The following GLI1 variants were observed in gnomAD, a reference collection of about 807,000 sequenced individuals.
GLI1 encodes GLI family zinc finger 1, also known as transcription activator GLI1.
GLI1 carries 51 observed loss-of-function variants against 87.8 expected under a neutral mutation model. That is an observed-to-expected ratio of 0.58 (90% CI 0.46 to 0.73). GLI1 has a LOEUF of 0.73. Among genes scored for constraint, GLI1 ranks in the 30% least tolerant of loss-of-function variants. The pLI is 0.00. For synonymous variants in GLI1, 528 were observed against 558.2 expected (o/e 0.95, Z 0.76); for missense variants, 1,292 against 1,437.2 (o/e 0.90, Z 1.63).
chr12:57,469,322 C>T, intron 10 of GLI1, 109 bp from the exon 11 acceptor site: 2 of 1,122,496 alleles, frequency 1.8e-6, no homozygotes, highest in South Asian at 1.5e-5. Context: ...TCTACACTTA[C>T]AAGCTTCCTT....
chr12:57,465,282 T>A (rs1455038129), intron 5 of GLI1, 27 bp downstream of exon 5: 10 of 1,586,534 alleles, frequency 6.3e-6, no homozygotes, highest in Non-Finnish European at 8.6e-6. Context: ...TGCTACCTGA[T>A]TTCCCTCAGC....
In GLI1 at chr12:57,466,369, G is replaced by A. The variant is rs374948623; in HGVS notation, c.892G>A (p.Glu298Lys). The change falls in exon 8 of 12, where the codon GAG becomes AAG. Residue 298 changes from glutamate (E) to lysine (K), a missense_variant. Glu to Lys is a moderately conservative substitution (Grantham distance 56). Coordinates refer to ENST00000228682, the MANE Select transcript of GLI1 (RefSeq NM_005269.3). The part of the protein sequence containing the change: ...LVVHMRRHTG[E>K]KPHKCTFEGC... The stretch of plus-strand genomic sequence containing the variant: ...GGTTCACATGCGCAGACACACTGGC[G>A]AGAAGCCACACAAGTGCACGGTGAG... 6.2e-7 allele frequency: 1 copy of A among 1,613,362 alleles called. No individual in the cohort carries two copies. Among genetic ancestry groups the A allele is most frequent in the African/African-American group, 1.3e-5 (1 of 74,888 alleles).
In GLI1 at chr12:57,466,294, G is replaced by C. The variant is rs770240474; in HGVS notation, c.817G>C (p.Gly273Arg). The C allele has an allele frequency of 1.9e-6, 3 of 1,613,894 alleles. No individual in the cohort carries two copies. Among genetic ancestry groups the C allele is most frequent in the African/African-American group, 1.3e-5 (1 of 74,910 alleles). Reference sequence around the variant, plus strand: ...GCGGAAGGAGTTCGTGTGCCACTGGGGGGGCTGCTCCAGGGAGCTGAGGCC... The same window carrying C: ...GCGGAAGGAGTTCGTGTGCCACTGGCGGGGCTGCTCCAGGGAGCTGAGGCC... ...GERKEFVCHW[G>R]GCSRELRPFK... The change falls in exon 8 of 12, where the codon GGG becomes CGG. Residue 273 changes from glycine (G) to arginine (R), a missense_variant. By Grantham distance (125) the Gly-to-Arg change is moderately radical (BLOSUM62 -2). Transcript: ENST00000228682.
chr12:57,467,285 C>T, intron 8 of GLI1, 48 bp from the exon 9 acceptor site: 1 of 1,495,642 alleles, frequency 6.7e-7, no homozygotes, highest in South Asian at 1.2e-5. Flanking sequence ...CTTCCATCTC[C>T]ATGTCCTCTG....
Position 57,471,412 on chromosome 12 carries a change from G to C in GLI1, c.2672G>C (p.Gly891Ala), listed in dbSNP as rs768365951. 6.2e-7 allele frequency: 1 copy of C among 1,613,690 alleles called. No homozygotes were observed. Among genetic ancestry groups the C allele is most frequent in the Non-Finnish European group, 8.5e-7 (1 of 1,179,830 alleles). Reference protein sequence around the residue: ...LDFDSPTHSTGQLKAQLVCNY... With the variant: ...LDFDSPTHSTAQLKAQLVCNY... ...TTTGATTCCCCCACCCATTCCACAG[G>C]GCAGCTCAAGGCTCAGCTTGTGTGT... is the stretch of plus-strand genomic sequence containing the variant. Residue 891 changes from glycine (G) to alanine (A), a missense_variant, in exon 12 of 12, where the codon GGG becomes GCG. Around this residue, in one of 3 missense-constraint regions of GLI1, gnomAD observed 897 missense variants for 1,040.7 expected, o/e 0.86. Coordinates refer to ENST00000228682, the MANE Select transcript of GLI1 (RefSeq NM_005269.3). This position sits in a 1 kb window ranked among gnomAD's most constrained non-coding sequence, Gnocchi z 4.9.
chr12:57,469,429 A>T lies in GLI1; in HGVS notation c.1309-2A>T. The T allele has an allele frequency of 6.2e-7, 1 of 1,613,352 alleles. No individual in the cohort carries two copies. The highest frequency in any genetic ancestry group is 8.5e-7 in the Non-Finnish European group (1 of 1,179,872). ...TGCCCTCAGACCTCATCTTCTCCAC[A>T]GAAGCCACAGCCAAGCCCTGGGGCC... On this transcript the variant is annotated splice_acceptor_variant, in intron 10 of 11. Transcript: ENST00000228682. LOFTEE classifies it high-confidence loss of function.
Position 57,469,533 on chromosome 12 carries a change from G to A in GLI1, c.1411G>A (p.Ala471Thr). Residue 471 changes from alanine to threonine, a missense_variant, in exon 11 of 12, where the codon GCA becomes ACA. This residue lies in a region of GLI1 where 897 missense variants were observed against 1,040.7 expected (regional missense o/e 0.86). Coordinates refer to ENST00000228682, the MANE Select transcript of GLI1 (RefSeq NM_005269.3). ...TDSGVEMTGNAGGSTEDLSSL... is the reference protein window; with the variant it reads ...TDSGVEMTGNTGGSTEDLSSL... The stretch of plus-strand genomic sequence containing the variant: ...CAGTGGTGTGGAAATGACTGGCAAT[G>A]CAGGGGGCAGCACTGAAGACCTCTC... 6.2e-7 allele frequency: 1 copy of A among 1,614,204 alleles called. No individual in the cohort carries two copies. The highest frequency in any genetic ancestry group is 8.5e-7 in the Non-Finnish European group (1 of 1,180,026).
chr12:57,461,187 G>T (rs2139845393), intron 1 of GLI1, among the ~76,000 whole-genome samples: 1 of 152,352 alleles, frequency 6.6e-6, no homozygotes, highest in South Asian at 2.1e-4. Flanking sequence ...GGGACTGAGG[G>T]TTTTAGGGGT....
intron 1 of GLI1, among the ~76,000 whole-genome samples, chr12:57,462,223 C>G (rs1871185340): frequency 6.6e-6 from 1 of 151,628 alleles, no homozygotes. Context: ...GTGCCCCCCG[C>G]CCCCCAACAT....
chr12:57,462,896 G>T (rs1173031954), intron 1 of GLI1, among the ~76,000 whole-genome samples: 2 of 152,194 alleles, frequency 1.3e-5, no homozygotes, highest in African/African-American at 4.8e-5. Flanking sequence ...GGCACGAGAA[G>T]GAAGGGGGAA....
intron 6 of GLI1, 39 bp downstream of exon 6, chr12:57,465,735 G>A (rs41292003): frequency 3.7e-6 from 6 of 1,613,932 alleles, no homozygotes; most frequent in African/African-American, 1.3e-5. Context: ...TGGGACCTGA[G>A]CAAAACTAAA....
chr12:57,465,331 G>A (rs1334598061), intron 5 of GLI1, 76 bp downstream of exon 5: 3 of 1,345,532 alleles, frequency 2.2e-6, no homozygotes, highest in Non-Finnish European at 3.1e-6. Flanking sequence ...GGGGAAAGGT[G>A]AAGGAAGGAC....
chr12:57,462,410 A>C (rs1322350959), intron 1 of GLI1, among the ~76,000 whole-genome samples: 2 of 147,984 alleles, frequency 1.4e-5, no homozygotes, highest in African/African-American at 2.5e-5. Context: ...GGGATCACCC[A>C]CCGCGCCGGC....
Position 57,469,495 on chromosome 12 carries a change from C to T in GLI1, c.1373C>T (p.Ala458Val). Residue 458 changes from alanine to valine, a missense_variant, in exon 11 of 12, where the codon GCA (alanine) becomes GTA (valine). Physicochemically the swap from Ala to Val is moderately conservative, Grantham distance 64. Around this residue, in one of 3 missense-constraint regions of GLI1, gnomAD observed 897 missense variants for 1,040.7 expected, o/e 0.86. Transcript: ENST00000228682. ...CSSDHSPAGS[A>V]ANTDSGVEMT... Reference sequence around the variant, plus strand: ...AGTGACCACTCCCCGGCAGGGAGTGCAGCCAATACAGACAGTGGTGTGGAA... The same window carrying T: ...AGTGACCACTCCCCGGCAGGGAGTGTAGCCAATACAGACAGTGGTGTGGAA... 1 of 1,613,970 alleles carries T rather than the reference C, an allele frequency of 6.2e-7. No individual in the cohort carries two copies. Among genetic ancestry groups the T allele is most frequent in the Non-Finnish European group, 8.5e-7 (1 of 1,179,806 alleles).
intron 11 of GLI1, 126 bp from the exon 12 acceptor site, chr12:57,470,191 G>C: frequency 1.4e-6 from 1 of 725,086 alleles, no homozygotes; most frequent in African/African-American, 1.8e-5. Flanking sequence ...GTAGGAGACA[G>C]AACAGACTGG....
rs1325382531 is a variant in GLI1 at position 57,463,799 on chromosome 12, T to C, written c.100+8T>C. ...CCAGTGTGGGGACAGAAGGTCAGTG[T>C]ATATACCAATCCCTGGGCCTTGAGG... is the stretch of plus-strand genomic sequence containing the variant. On this transcript the variant is annotated splice_region_variant and intron_variant, in intron 2 of 11. Transcript: ENST00000228682. 6.7e-7 allele frequency: 1 copy of C among 1,492,840 alleles called. No homozygotes were observed. 92.5% of individuals were successfully genotyped at this position (1,492,840 alleles called of 1,614,324 possible).
rs774457842 is a variant in GLI1, at chr12:57,465,817, G to A, written c.654G>A (p.Arg218=). The change falls in exon 7 of 12, where the codon CGG becomes CGA. Residue 218 remains arginine, a synonymous_variant. Transcript: ENST00000228682. ...CCCTGTTGGGGATGCTGGATGGGCG[G>A]GAGGACCTCGAGAGAGAGGAGAAGC... is the stretch of plus-strand genomic sequence containing the variant. ...QDPLLGMLDG[R]EDLEREEKRE... The A allele has an allele frequency of 1.9e-6, 3 of 1,614,196 alleles. No individual in the cohort carries two copies. In the Admixed American group the frequency reaches 5.0e-5, roughly 27 times the overall value.
chr12:57,461,058 C>T (rs891915248), intron 1 of GLI1, among the ~76,000 whole-genome samples: 1 of 152,156 alleles, frequency 6.6e-6, no homozygotes, highest in East Asian at 1.9e-4. Flanking sequence ...CTCAGACCAC[C>T]CTGCCTGCCC....
chr12:57,469,346 T>G, intron 10 of GLI1, 85 bp from the exon 11 acceptor site: 1 of 1,362,266 alleles, frequency 7.3e-7, no homozygotes, highest in South Asian at 1.3e-5. Flanking sequence ...ACCCCAGCAG[T>G]CACTGGGACA....
Sources: allele counts gnomAD v4.1 joint callset (sites outside exome capture counted in the v4.1 genomes callset), GRCh38; gene constraint gnomAD v4.1.1; regional missense constraint gnomAD v4.1.1; non-coding constraint Gnocchi (gnomAD v3.1); transcripts MANE v1.5; gene names NCBI Gene and HGNC (gene_info 2026-07-23, HGNC 2026-07-21).